Variants in LCN9 observed in about 807,000 individuals in gnomAD.
LCN9 encodes the protein epididymal-specific lipocalin-9.
LCN9 carries 22 observed loss-of-function variants against 18.5 expected under a neutral mutation model. That is an observed-to-expected ratio of 1.19 (90% CI 0.85 to 1.70). The LOEUF is 1.70. Among genes scored for constraint, LCN9 ranks in the 40% most tolerant of loss-of-function variants. The pLI is 0.00. For missense variants in LCN9, 202 were observed against 201.3 expected, an observed-to-expected ratio of 1.00 and a Z score of -0.02; for synonymous variants, 89 against 83.0, an observed-to-expected ratio of 1.07 and a Z score of -0.39.
chr9:135,664,699 G>T lies in LCN9; in HGVS notation c.234-23G>T. ...CCAGGGGGCTGGAGCTCCACTCCCG[G>T]CATCTTCCTGGCTGGCTTCCAGGGT... is the stretch of plus-strand genomic sequence containing the variant. On this transcript the variant is annotated intron_variant, in intron 2 of 5. Transcript: ENST00000619315. The surrounding 1 kb of genome is among the most constrained non-coding windows in gnomAD (Gnocchi z 4.5). 2 of 1,561,228 alleles carry T rather than the reference G, an allele frequency of 1.3e-6. No homozygotes were observed. Among genetic ancestry groups the T allele is most frequent in the East Asian group, 2.4e-5 (1 of 42,496 alleles).
rs73667677 is a variant in LCN9 at position 135,665,817 on chromosome 9, C to A, written c.*10-44C>A. Reference sequence around the variant, plus strand: ...AGGGTGGGGATGGGAGGTGTGCCTGCGGGGTCCCTGTCCCTGCGCTGAGAG... The same window carrying A: ...AGGGTGGGGATGGGAGGTGTGCCTGAGGGGTCCCTGTCCCTGCGCTGAGAG... On this transcript the variant is annotated intron_variant, in intron 5 of 5. Transcript: ENST00000619315. The surrounding 1 kb of genome is among the most constrained non-coding windows in gnomAD (Gnocchi z 5.9). 3 of 1,611,558 alleles carry A rather than the reference C, an allele frequency of 1.9e-6. No homozygotes were observed. Among genetic ancestry groups the A allele is most frequent in the Admixed American group, 1.7e-5 (1 of 59,708 alleles).
rs1453707713 is a variant in LCN9 at position 135,664,718 on chromosome 9, C to G, written c.234-4C>G. ...CTCCCGGCATCTTCCTGGCTGGCTT[C>G]CAGGGTGCAGGGGGAGTGTGTGGCT... On this transcript the variant is annotated splice_region_variant and splice_polypyrimidine_tract_variant and intron_variant, in intron 2 of 5. Transcript: ENST00000619315. The surrounding 1 kb of genome is among the most constrained non-coding windows in gnomAD (Gnocchi z 4.5). 2.3e-5 allele frequency: 37 copies of G among 1,581,474 alleles called. No individual in the cohort carries two copies. Among genetic ancestry groups the G allele is most frequent in the Non-Finnish European group, 3.2e-5 (37 of 1,166,886 alleles).
exon 6 of LCN9, chr9:135,666,195 T>C (rs1333009666): frequency 1.3e-6 from 2 of 1,520,162 alleles, no homozygotes; most frequent in East Asian, 4.5e-5. Context: ...GGATTTACTT[T>C]CTCACAGCCT....
At position 135,664,642 on chromosome 9, in the gene LCN9, C is replaced by G; in HGVS notation, c.234-80C>G. Reference sequence around the variant, plus strand: ...GGCATTGGGAGGGTGAGCCTGTGCCCTGGAGGAGGGGTGCTCTCTGCCATC... The same window carrying G: ...GGCATTGGGAGGGTGAGCCTGTGCCGTGGAGGAGGGGTGCTCTCTGCCATC... On this transcript the variant is annotated intron_variant, in intron 2 of 5. Transcript: ENST00000619315. This position sits in a 1 kb window ranked among gnomAD's most constrained non-coding sequence, Gnocchi z 4.5. 7.7e-7 allele frequency: 1 copy of G among 1,291,790 alleles called. No homozygotes were observed. Among genetic ancestry groups the G allele is most frequent in the Non-Finnish European group, 1.1e-6 (1 of 942,962 alleles). 80.0% of individuals were successfully genotyped at this position (1,291,790 alleles called of 1,614,324 possible).
rs1450963082 is a variant in LCN9 at position 135,665,919 on chromosome 9, A to T, written c.*68A>T. On this transcript the variant is annotated 3_prime_UTR_variant, in exon 6 of 6. Transcript: ENST00000619315. The surrounding 1 kb of genome is among the most constrained non-coding windows in gnomAD (Gnocchi z 5.9). ...CCAGGCCTCCCATGCGTGAGCTGCG[A>T]CTCGGGACGGGCAGGGGGCTGGATG... 2 of 1,609,976 alleles carry T rather than the reference A, an allele frequency of 1.2e-6. No individual in the cohort carries two copies. The highest frequency in any genetic ancestry group is 2.7e-5 in the African/African-American group (2 of 74,734).
rs573220386 is a variant in LCN9, at chr9:135,665,715, A to G, written c.446A>G (p.Asp149Gly). The change falls in exon 5 of 6, where the codon GAC (aspartate) becomes GGC (glycine). Residue 149 changes from aspartate (D) to glycine (G), a missense_variant. Coordinates refer to ENST00000619315, the Ensembl canonical transcript of LCN9. The surrounding 1 kb of genome is among the most constrained non-coding windows in gnomAD (Gnocchi z 5.9). ...TTGAAGAAACCTGCGAAAAGTACGG[A>G]CTTGGCTCACAAAATATCATCGACT... 131 of 1,613,526 alleles carry G rather than the reference A, an allele frequency of 8.1e-5. No homozygotes were observed. Among genetic ancestry groups the G allele is most frequent in the Middle Eastern group, 4.9e-4 (3 of 6,062 alleles).
In LCN9 at chr9:135,664,039, C is replaced by T. The variant is rs552342882; in HGVS notation, c.97-123C>T. The T allele has an allele frequency of 1.2e-3, 1,247 of 999,944 alleles. 1 individual carries two copies. The highest frequency in any genetic ancestry group is 1.6e-3 in the Non-Finnish European group (1,127 of 693,536). The allele number at this position is 999,944 out of a possible 1,614,324, so 61.9% of individuals were successfully genotyped here. A position where few individuals can be genotyped will look rare whatever the true frequency, so the allele number is the denominator to read the frequency against. On this transcript the variant is annotated intron_variant, in intron 1 of 5. Coordinates refer to ENST00000619315, the Ensembl canonical transcript of LCN9. The surrounding 1 kb of genome is among the most constrained non-coding windows in gnomAD (Gnocchi z 4.5). ...GGGAGACCTGGGGGCACTGGAAGGG[C>T]GGAGGGGTTCTGGTTGGGAGCCAGA...
At chr9:135,666,642 C>T (rs913286727) in exon 6 of LCN9, among the ~76,000 whole-genome samples, 3 of 152,156 alleles carry the variant, frequency 2.0e-5, no homozygotes, top group South Asian at 2.1e-4. Flanking sequence ...CCCAGAGATA[C>T]GCCTCTGAAG....
Position 135,665,393 on chromosome 9 carries a change from C to T in LCN9, c.418+38C>T. On this transcript the variant is annotated intron_variant, in intron 4 of 5. Transcript: ENST00000619315. The surrounding 1 kb of genome is among the most constrained non-coding windows in gnomAD (Gnocchi z 5.9). ...TCCCCCTCTGACCCCCTCGGGGACC[C>T]CACCTCCTCTGAAGTCCGGCCCAAC... is the stretch of plus-strand genomic sequence containing the variant. 1 of 1,496,832 alleles carries T rather than the reference C, an allele frequency of 6.7e-7. No individual in the cohort carries two copies. The highest frequency in any genetic ancestry group is 1.9e-4 in the Middle Eastern group (1 of 5,344). 92.7% of individuals were successfully genotyped at this position (1,496,832 alleles called of 1,614,324 possible).
In LCN9 at chr9:135,664,705, T is replaced by A; in HGVS notation, c.234-17T>A. 6.4e-7 allele frequency: 1 copy of A among 1,570,264 alleles called. No individual in the cohort carries two copies. The highest frequency in any genetic ancestry group is 8.6e-7 in the Non-Finnish European group (1 of 1,161,092). ...GGCTGGAGCTCCACTCCCGGCATCT[T>A]CCTGGCTGGCTTCCAGGGTGCAGGG... is the stretch of plus-strand genomic sequence containing the variant. On this transcript the variant is annotated splice_polypyrimidine_tract_variant and intron_variant, in intron 2 of 5. Coordinates refer to ENST00000619315, the Ensembl canonical transcript of LCN9. This position sits in a 1 kb window ranked among gnomAD's most constrained non-coding sequence, Gnocchi z 4.5.
At chr9:135,666,060 G>T (rs961941749) in exon 6 of LCN9, 1 of 1,599,570 alleles carries the variant, frequency 6.3e-7, no homozygotes, top group Admixed American at 1.7e-5. Flanking sequence ...GCTGTGAAAA[G>T]CATCCTGGAG....
Position 135,664,817 on chromosome 9 carries a change from C to T in LCN9, c.307+22C>T, listed in dbSNP as rs1342662639. The T allele has an allele frequency of 4.5e-6, 7 of 1,564,710 alleles. No homozygotes were observed. Among genetic ancestry groups the T allele is most frequent in the Non-Finnish European group, 6.1e-6 (7 of 1,154,608 alleles). On this transcript the variant is annotated intron_variant, in intron 3 of 5. Coordinates refer to ENST00000619315, the Ensembl canonical transcript of LCN9. This position sits in a 1 kb window ranked among gnomAD's most constrained non-coding sequence, Gnocchi z 4.5. The stretch of plus-strand genomic sequence containing the variant: ...AACTGTAAGTGGAAGCCAGGCTCCT[C>T]CTGGTCTCACAGTCGGGGGTCTCCT...
In LCN9 at chr9:135,664,578, G is replaced by A; in HGVS notation, c.234-144G>A. 2.5e-6 allele frequency: 2 copies of A among 808,072 alleles called. No homozygotes were observed. Among genetic ancestry groups the A allele is most frequent in the Non-Finnish European group, 3.8e-6 (2 of 520,800 alleles). The allele number at this position is 808,072 out of a possible 1,614,324, so 50.1% of individuals were successfully genotyped here. ...GAGGGTGTCCGGTGGGCTGCAGCAG[G>A]GCCCAGCCCAAGAACTTGGGGCTGT... On this transcript the variant is annotated intron_variant, in intron 2 of 5. Transcript: ENST00000619315. This position sits in a 1 kb window ranked among gnomAD's most constrained non-coding sequence, Gnocchi z 4.5.
At chr9:135,666,580 C>G (rs1834226658) in exon 6 of LCN9, among the ~76,000 whole-genome samples, 1 of 152,012 alleles carries the variant, frequency 6.6e-6, no homozygotes, top group Non-Finnish European at 1.5e-5. Context: ...AGACATGGTC[C>G]CAGCCCAGTA....
chr9:135,664,444 G>A lies in LCN9; in HGVS notation c.233+146G>A, dbSNP rs915739672. 7.3e-6 allele frequency: 8 copies of A among 1,093,502 alleles called. No homozygotes were observed. In the African/African-American group the frequency reaches 1.2e-4, roughly 17 times the overall value. The allele number at this position is 1,093,502 out of a possible 1,614,324, so 67.7% of individuals were successfully genotyped here. A position where few individuals can be genotyped will look rare whatever the true frequency, so the allele number is the denominator to read the frequency against. On this transcript the variant is annotated intron_variant, in intron 2 of 5. Transcript: ENST00000619315. This position sits in a 1 kb window ranked among gnomAD's most constrained non-coding sequence, Gnocchi z 4.5. ...TGAGCCTGTGCGTGTGACCCTTGGGGGCAGGGTGAGGTGGGAGCAGGGACT... is the reference window on the plus strand; with the variant it reads ...TGAGCCTGTGCGTGTGACCCTTGGGAGCAGGGTGAGGTGGGAGCAGGGACT...
rs1042709315 is a variant in LCN9, at chr9:135,665,920, C to T, written c.*69C>T. 2 of 1,610,240 alleles carry T rather than the reference C, an allele frequency of 1.2e-6. No individual in the cohort carries two copies. Among genetic ancestry groups the T allele is most frequent in the Admixed American group, 3.4e-5 (2 of 59,664 alleles). On this transcript the variant is annotated 3_prime_UTR_variant, in exon 6 of 6. Coordinates refer to ENST00000619315, the Ensembl canonical transcript of LCN9. This position sits in a 1 kb window ranked among gnomAD's most constrained non-coding sequence, Gnocchi z 5.9. Reference sequence around the variant, plus strand: ...CAGGCCTCCCATGCGTGAGCTGCGACTCGGGACGGGCAGGGGGCTGGATGG... The same window carrying T: ...CAGGCCTCCCATGCGTGAGCTGCGATTCGGGACGGGCAGGGGGCTGGATGG...
Position 135,665,510 on chromosome 9 carries a change from TG to T in LCN9, c.418+158del. 1 of 819,054 alleles carries T rather than the reference TG, an allele frequency of 1.2e-6. No individual in the cohort carries two copies. 50.7% of individuals were successfully genotyped at this position (819,054 alleles called of 1,614,324 possible). A position where few individuals can be genotyped will look rare whatever the true frequency, so the allele number is the denominator to read the frequency against. ...TCCCACAGACACACCGTTAGGGTGC[TG>T]GGTGCTTCAATCTGTCACCTCCCAT... On this transcript the variant is annotated intron_variant, in intron 4 of 5. Coordinates refer to ENST00000619315, the Ensembl canonical transcript of LCN9. The surrounding 1 kb of genome is among the most constrained non-coding windows in gnomAD (Gnocchi z 5.9).
In LCN9 at chr9:135,665,447, C is replaced by T. The variant is rs1179027165; in HGVS notation, c.418+92C>T. ...GGGCGGAGGAGGGTCTCGCAGTGGC[C>T]CTGGGGTTTGGAGAGGTGGTTCCCG... On this transcript the variant is annotated intron_variant, in intron 4 of 5. Coordinates refer to ENST00000619315, the Ensembl canonical transcript of LCN9. The surrounding 1 kb of genome is among the most constrained non-coding windows in gnomAD (Gnocchi z 5.9). 5.4e-6 allele frequency: 6 copies of T among 1,110,192 alleles called. 1 individual carries two copies. The highest frequency in any genetic ancestry group is 8.0e-6 in the Non-Finnish European group (6 of 751,904). The allele number at this position is 1,110,192 out of a possible 1,614,324, so 68.8% of individuals were successfully genotyped here.
At chr9:135,663,889 G>GA (rs1834164956) in intron 1 of LCN9, among the ~76,000 whole-genome samples, 1 of 133,266 alleles carries the variant, frequency 7.5e-6, no homozygotes, top group African/African-American at 3.1e-5. Context: ...GGGGGACCTT[G>GA]GGATCAAAGG....
Sources: allele counts gnomAD v4.1 joint callset (sites outside exome capture counted in the v4.1 genomes callset), GRCh38; gene constraint gnomAD v4.1.1; non-coding constraint Gnocchi (gnomAD v3.1); transcripts MANE v1.5; gene names NCBI Gene and HGNC (gene_info 2026-07-23, HGNC 2026-07-21).